Variants in TSPAN2 observed in about 807,000 individuals in gnomAD.
The protein encoded by TSPAN2 is tetraspanin 2.
TSPAN2 carries 24 observed loss-of-function variants against 33.3 expected under a neutral mutation model. The ratio of observed to expected loss-of-function variants is 0.72; its 90% CI spans 0.52 to 1.01. The LOEUF (loss-of-function observed/expected upper bound fraction) is 1.01. Among genes scored for constraint, TSPAN2 ranks in the 50% least tolerant of loss-of-function variants. TSPAN2 has a pLI of 0.00. For synonymous variants in TSPAN2, 114 were observed against 104.5 expected, an observed-to-expected ratio of 1.09 and a Z score of -0.56; for missense variants, 278 against 281.3, an observed-to-expected ratio of 0.99 and a Z score of 0.08.
chr1:115,059,877 C>G (rs6537852), intron 4 of TSPAN2, among the ~76,000 whole-genome samples: 141,611 of 152,286 alleles, frequency 0.93, 65,874 homozygotes, highest in East Asian at 1. Flanking sequence ...GTGAAATACA[C>G]CAAACTTAAG....
chr1:115,054,950 A>G (rs1393984046), intron 6 of TSPAN2, among the ~76,000 whole-genome samples: 1 of 152,070 alleles, frequency 6.6e-6, no homozygotes, highest in Non-Finnish European at 1.5e-5. Context: ...TCATGCCACT[A>G]CACTCCAGCC....
chr1:115,075,282 C>G (rs1453374694), intron 1 of TSPAN2, among the ~76,000 whole-genome samples: 2 of 152,156 alleles, frequency 1.3e-5, no homozygotes, highest in East Asian at 3.9e-4. Flanking sequence ...CCCCTAACCC[C>G]CAACCACACG....
chr1:115,083,211 A>G (rs1396298989), intron 1 of TSPAN2, among the ~76,000 whole-genome samples: 31 of 152,216 alleles, frequency 2.0e-4, no homozygotes. Context: ...TTAAGGGAGC[A>G]GCTTCGCGAT....
At chr1:115,059,702 G>C (rs1212018879) in intron 4 of TSPAN2, among the ~76,000 whole-genome samples, 1 of 152,200 alleles carries the variant, frequency 6.6e-6, no homozygotes, top group East Asian at 1.9e-4. Context: ...CAGGTCCTAA[G>C]ATTCCATTCT....
At chr1:115,085,823 C>A (rs1428419560) in intron 1 of TSPAN2, among the ~76,000 whole-genome samples, 4 of 152,058 alleles carry the variant, frequency 2.6e-5, no homozygotes, top group African/African-American at 7.2e-5. Context: ...CTGCCTCCAC[C>A]CCCACCCCCC....
intron 6 of TSPAN2, among the ~76,000 whole-genome samples, chr1:115,055,071 A>G (rs1048087394): frequency 2.0e-5 from 3 of 152,134 alleles, no homozygotes; most frequent in African/African-American, 7.2e-5. Flanking sequence ...GGAAGCCTGC[A>G]CTGCCAGTTA....
intron 1 of TSPAN2, among the ~76,000 whole-genome samples, chr1:115,074,723 A>G (rs1212636432): frequency 6.6e-6 from 1 of 152,206 alleles, no homozygotes; most frequent in Non-Finnish European, 1.5e-5. Context: ...ATACATTTTT[A>G]AAGTGTTACA....
intron 2 of TSPAN2, among the ~76,000 whole-genome samples, chr1:115,063,822 G>T (rs146838014): frequency 1.3e-5 from 2 of 152,216 alleles, no homozygotes; most frequent in East Asian, 3.9e-4. Context: ...ATCAAATACC[G>T]CATGTTCTCA....
chr1:115,067,855 C>T (rs1002983822), intron 2 of TSPAN2, among the ~76,000 whole-genome samples: 2 of 152,180 alleles, frequency 1.3e-5, no homozygotes, highest in African/African-American at 2.4e-5. Context: ...CTGAGGGGCT[C>T]GCTCCCTACT....
intron 6 of TSPAN2, 147 bp from the exon 7 acceptor site, chr1:115,053,609 A>G (rs1383543403): frequency 1.4e-6 from 1 of 701,954 alleles, no homozygotes; most frequent in East Asian, 2.9e-5. Flanking sequence ...CATCTTTGAT[A>G]ACATCATCCT....
Position 115,058,989 on chromosome 1 carries a change from A to C in TSPAN2, c.346-8T>G. The C allele has an allele frequency of 6.2e-7, 1 of 1,606,542 alleles. No individual in the cohort carries two copies. The highest frequency in any genetic ancestry group is 1.1e-5 in the South Asian group (1 of 89,520). ...CTGAACATGTCGGATAGCCTGAAGA[A>C]ATACAAGGAAAAATGAAGGACTTCT... On this transcript the variant is annotated splice_region_variant and splice_polypyrimidine_tract_variant and intron_variant, in intron 4 of 7. Coordinates refer to ENST00000369516, the MANE Select transcript of TSPAN2 (RefSeq NM_005725.6).
intron 6 of TSPAN2, among the ~76,000 whole-genome samples, chr1:115,056,435 A>G (rs1647428867): frequency 6.6e-6 from 1 of 152,158 alleles, no homozygotes; most frequent in South Asian, 2.1e-4. Flanking sequence ...CCAGCTTTTC[A>G]GCAGTTATTA....
At chr1:115,084,554 G>A (rs1648757058) in intron 1 of TSPAN2, among the ~76,000 whole-genome samples, 2 of 152,146 alleles carry the variant, frequency 1.3e-5, no homozygotes, top group South Asian at 4.1e-4. Context: ...GTCCACACTA[G>A]GGGACACTGG....
intron 2 of TSPAN2, among the ~76,000 whole-genome samples, chr1:115,067,109 G>T (rs1647981676): frequency 6.6e-6 from 1 of 152,168 alleles, no homozygotes; most frequent in African/African-American, 2.4e-5. Flanking sequence ...ATTTATGTAA[G>T]ATTGCATAGC....
intron 2 of TSPAN2, among the ~76,000 whole-genome samples, chr1:115,069,301 T>G (rs57560467): frequency 0.031 from 4,793 of 152,224 alleles, 239 homozygotes; most frequent in African/African-American, 0.11. Flanking sequence ...GCCCATGTGG[T>G]TTGAGAGGGC....
chr1:115,076,683 A>G (rs1161869966), intron 1 of TSPAN2, among the ~76,000 whole-genome samples: 3 of 152,240 alleles, frequency 2.0e-5, no homozygotes, highest in African/African-American at 4.8e-5. Flanking sequence ...ATACAGAAGC[A>G]AAAGTTGGAC....
chr1:115,083,113 A>G (rs11581181), intron 1 of TSPAN2, among the ~76,000 whole-genome samples: 6,758 of 152,282 alleles, frequency 0.044, 180 homozygotes, highest in Middle Eastern at 0.071. Context: ...CCCATCTGGT[A>G]TTTCCATCTT....
At position 115,062,173 on chromosome 1, in the gene TSPAN2, A is replaced by C; in HGVS notation, c.232T>G (p.Cys78Gly). ...CATTGCGACTCCCGCATGGCTCCGCAGCACCCGAAGAACCCCACGGCCATC... is the reference window on the plus strand; with the variant it reads ...CATTGCGACTCCCGCATGGCTCCGCCGCACCCGAAGAACCCCACGGCCATC... ...LMMAVGFFGC[C>G]GAMRESQCVL... The change falls in exon 3 of 8, where the codon TGC becomes GGC. Residue 78 changes from cysteine (C) to glycine (G), a missense_variant. Cys to Gly is a radical substitution (Grantham distance 159). Coordinates refer to ENST00000369516, the MANE Select transcript of TSPAN2 (RefSeq NM_005725.6). 4 of 1,598,966 alleles carry C rather than the reference A, an allele frequency of 2.5e-6. No individual in the cohort carries two copies. Among genetic ancestry groups the C allele is most frequent in the Non-Finnish European group, 3.4e-6 (4 of 1,173,162 alleles).
intron 2 of TSPAN2, among the ~76,000 whole-genome samples, chr1:115,070,479 A>T (rs1427042014): frequency 6.7e-6 from 1 of 148,706 alleles, no homozygotes. Context: ...GCCCCAAATC[A>T]TTCTTCTACT....
Sources: allele counts gnomAD v4.1 joint callset (sites outside exome capture counted in the v4.1 genomes callset), GRCh38; gene constraint gnomAD v4.1.1; transcripts MANE v1.5; gene names NCBI Gene and HGNC (gene_info 2026-07-23, HGNC 2026-07-21).